KCNK13: variants seen among roughly 807,000 people sequenced by gnomAD.
KCNK13 encodes potassium two pore domain channel subfamily K member 13, also known as potassium channel subfamily K member 13.
KCNK13 carries 12 observed loss-of-function variants against 23.4 expected under a neutral mutation model. The observed-to-expected ratio is 0.51, with a 90% CI of 0.33 to 0.83. The LOEUF (loss-of-function observed/expected upper bound fraction) is 0.83, where lower values mean the gene tolerates loss of function less well. Ranked by LOEUF, KCNK13 falls within the 40% of genes least tolerant of loss-of-function variation. The pLI, the probability that KCNK13 is intolerant of heterozygous loss-of-function variation, is 0.02. For missense variants in KCNK13, 463 were observed against 556.3 expected (o/e 0.83, Z 1.69); for synonymous variants, 231 against 229.5 (o/e 1.01, Z -0.06).
At chr14:90,079,673 T>G (rs758413615) in intron 1 of KCNK13, among the ~76,000 whole-genome samples, 2 of 152,242 alleles carry the variant, frequency 1.3e-5, no homozygotes, top group Non-Finnish European at 2.9e-5. Flanking sequence ...CTTCCCCTTA[T>G]ATTTCATTGA....
chr14:90,142,042 C>A (rs1890014264), intron 1 of KCNK13, among the ~76,000 whole-genome samples: 1 of 151,882 alleles, frequency 6.6e-6, no homozygotes, highest in African/African-American at 2.4e-5. Context: ...CCGCCTCAGC[C>A]TCCTAAAGTG....
chr14:90,143,176 T>TTTCTTTC (rs3994012), intron 1 of KCNK13, among the ~76,000 whole-genome samples: 24,262 of 97,218 alleles, frequency 0.25, 2,505 homozygotes, highest in Non-Finnish European at 0.28. Flanking sequence ...TCTTTCTTTC[T>TTTCTTTC]TTTCTTTTCT....
intron 1 of KCNK13, among the ~76,000 whole-genome samples, chr14:90,080,680 TTC>T (rs1418654127): frequency 2.6e-5 from 4 of 152,176 alleles, no homozygotes; most frequent in Non-Finnish European, 4.4e-5. Context: ...TTTTTTCTCT[TTC>T]TTCTTTGTAT....
intron 1 of KCNK13, among the ~76,000 whole-genome samples, chr14:90,086,041 T>C (rs1392307667): frequency 6.6e-6 from 1 of 151,388 alleles, no homozygotes; most frequent in Non-Finnish European, 1.5e-5. Flanking sequence ...AACTATGATA[T>C]GGATATTCAT....
chr14:90,173,070 G>A (rs971016378), intron 1 of KCNK13, among the ~76,000 whole-genome samples: 3 of 152,186 alleles, frequency 2.0e-5, no homozygotes, highest in African/African-American at 7.2e-5. Flanking sequence ...AAGTGAGCAG[G>A]TGCTAAAGAG....
chr14:90,085,671 T>C (rs1267813167), intron 1 of KCNK13, among the ~76,000 whole-genome samples: 1 of 142,386 alleles, frequency 7.0e-6, no homozygotes, highest in African/African-American at 2.6e-5. Flanking sequence ...AAAAAAAATA[T>C]ATATATATAT....
At position 90,062,661 on chromosome 14, in the gene KCNK13, A is replaced by T. The variant is rs934227118; in HGVS notation, c.334+122A>T. The T allele has an allele frequency of 2.8e-6, 2 of 710,396 alleles. No individual in the cohort carries two copies. The highest frequency in any genetic ancestry group is 4.4e-6 in the Non-Finnish European group (2 of 450,432). The allele number at this position is 710,396 out of a possible 1,614,324, so 44.0% of individuals were successfully genotyped here. On this transcript the variant is annotated intron_variant, in intron 1 of 1. Transcript: ENST00000282146. The surrounding 1 kb of genome is among the most constrained non-coding windows in gnomAD (Gnocchi z 4.5). The stretch of plus-strand genomic sequence containing the variant: ...GGGCGCCCAGCCAGACTCCACTGAC[A>T]TGAGCTGTCGCCTGATCAACAGGTG...
At chr14:90,085,659 C>CAA (rs548264060) in intron 1 of KCNK13, among the ~76,000 whole-genome samples, 4 of 129,428 alleles carry the variant, frequency 3.1e-5, no homozygotes, top group African/African-American at 1.2e-4. Flanking sequence ...GACTCTGTCT[C>CAA]AAAAAAAAAT....
At chr14:90,078,433 AAG>A (rs1055959777) in intron 1 of KCNK13, among the ~76,000 whole-genome samples, 2 of 151,274 alleles carry the variant, frequency 1.3e-5, no homozygotes, top group Non-Finnish European at 2.9e-5. Context: ...AAAAAAAAGA[AAG>A]AAAAAAAAGA....
intron 1 of KCNK13, among the ~76,000 whole-genome samples, chr14:90,125,434 A>G (rs977952630): frequency 2.0e-5 from 3 of 151,970 alleles, no homozygotes; most frequent in African/African-American, 7.3e-5. Flanking sequence ...CATGTTAGCC[A>G]GGATGGTCTC....
chr14:90,084,462 A>G (rs1889248478), intron 1 of KCNK13, among the ~76,000 whole-genome samples: 1 of 152,188 alleles, frequency 6.6e-6, no homozygotes, highest in African/African-American at 2.4e-5. Context: ...TAGAAATGGA[A>G]TTAGTTTTTG....
chr14:90,169,049 T>C (rs753676167), intron 1 of KCNK13, among the ~76,000 whole-genome samples: 14 of 152,234 alleles, frequency 9.2e-5, no homozygotes, highest in Non-Finnish European at 1.6e-4. Context: ...TTCTTTCCTT[T>C]ATAAATTACC....
At position 90,062,201 on chromosome 14, in the gene KCNK13, C is replaced by G; in HGVS notation, c.-5C>G. On this transcript the variant is annotated 5_prime_UTR_variant, in exon 1 of 2. Transcript: ENST00000282146. This position sits in a 1 kb window ranked among gnomAD's most constrained non-coding sequence, Gnocchi z 4.5. ...GGCCTGGGGGCTGCCCCCGGGGGCCCGGCCATGGCTGGCCGGGGTTTCAGC... is the reference window on the plus strand; with the variant it reads ...GGCCTGGGGGCTGCCCCCGGGGGCCGGGCCATGGCTGGCCGGGGTTTCAGC... 7.2e-7 allele frequency: 1 copy of G among 1,394,356 alleles called. No homozygotes were observed. Among genetic ancestry groups the G allele is most frequent in the Non-Finnish European group, 9.3e-7 (1 of 1,079,344 alleles). 86.4% of individuals were successfully genotyped at this position (1,394,356 alleles called of 1,614,324 possible). A position where few individuals can be genotyped will look rare whatever the true frequency, so the allele number is the denominator to read the frequency against.
At chr14:90,093,685 G>C (rs1010015535) in intron 1 of KCNK13, among the ~76,000 whole-genome samples, 6 of 152,264 alleles carry the variant, frequency 3.9e-5, no homozygotes, top group African/African-American at 1.4e-4. Flanking sequence ...GAGATTCTCT[G>C]TCTCCCATTC....
intron 1 of KCNK13, among the ~76,000 whole-genome samples, chr14:90,092,941 C>T (rs889588910): frequency 2.5e-4 from 34 of 136,400 alleles, no homozygotes; most frequent in African/African-American, 8.4e-4. Flanking sequence ...AAAAGCATCA[C>T]GATACTCAGA....
chr14:90,093,146 T>C (rs931991068), intron 1 of KCNK13, among the ~76,000 whole-genome samples: 13 of 152,070 alleles, frequency 8.5e-5, no homozygotes, highest in African/African-American at 3.1e-4. Context: ...CAACACTCCA[T>C]GCAAGATGAG....
At chr14:90,120,561 A>G (rs1468457119) in intron 1 of KCNK13, among the ~76,000 whole-genome samples, 1 of 152,172 alleles carries the variant, frequency 6.6e-6, no homozygotes, top group Non-Finnish European at 1.5e-5. Context: ...AAAATGTCAG[A>G]CGCTTATAAA....
intron 1 of KCNK13, among the ~76,000 whole-genome samples, chr14:90,095,470 A>T (rs1404856515): frequency 2.0e-5 from 3 of 152,060 alleles, no homozygotes; most frequent in African/African-American, 7.2e-5. Context: ...TATAGTCAAC[A>T]TATCTTCTGC....
chr14:90,165,587 T>C (rs923802896), intron 1 of KCNK13, among the ~76,000 whole-genome samples: 3 of 152,210 alleles, frequency 2.0e-5, no homozygotes, highest in African/African-American at 7.2e-5. Context: ...TTCTACTTAA[T>C]TGAACCATTT....
Sources: allele counts gnomAD v4.1 joint callset (sites outside exome capture counted in the v4.1 genomes callset), GRCh38; gene constraint gnomAD v4.1.1; non-coding constraint Gnocchi (gnomAD v3.1); transcripts MANE v1.5; gene names NCBI Gene and HGNC (gene_info 2026-07-23, HGNC 2026-07-21).